LYN: variants seen among roughly 807,000 people sequenced by gnomAD.
The protein encoded by LYN is tyrosine-protein kinase Lyn.
In LYN, 12 loss-of-function variants were observed where a neutral mutation model predicts 65.0. That is an observed-to-expected ratio of 0.18 (90% CI 0.12 to 0.30). The LOEUF is 0.30. Ranked by LOEUF, LYN falls within the 10% of genes least tolerant of loss-of-function variation. LYN has a pLI of 1.00. For synonymous variants in LYN, 222 were observed against 221.2 expected (o/e 1.00, Z -0.03); for missense variants, 380 against 623.2 (o/e 0.61, Z 4.16).
In LYN at chr8:55,929,527, G is replaced by T. The variant is rs181736169; in HGVS notation, c.-5-12328G>T. Among the ~76,000 whole-genome samples the T allele has an allele frequency of 2.5e-3, 374 of 152,284 alleles. 1 individual carries two copies. Among genetic ancestry groups the T allele is most frequent in the African/African-American group, 8.2e-3 (339 of 41,566 alleles). On this transcript the variant is annotated intron_variant, in intron 1 of 12. Transcript: ENST00000519728. ...ATGAATGAGTAAGAAAGCATATTTTGCCCCAATCTGTAACAGAAAATATCA... is the reference window on the plus strand; with the variant it reads ...ATGAATGAGTAAGAAAGCATATTTTTCCCCAATCTGTAACAGAAAATATCA...
chr8:55,912,641 C>CT (rs1397568461), intron 1 of LYN, among the ~76,000 whole-genome samples: 2 of 151,174 alleles, frequency 1.3e-5, no homozygotes, highest in Non-Finnish European at 2.9e-5. Context: ...GCAGGAGACT[C>CT]TCTTGAACCT....
chr8:55,976,740 G>A (rs1234133468), intron 10 of LYN, among the ~76,000 whole-genome samples: 2 of 152,172 alleles, frequency 1.3e-5, no homozygotes, highest in African/African-American at 4.8e-5. Context: ...GCCAGGATTA[G>A]CCCTGCTAGC....
chr8:55,901,761 G>C (rs1805271762), intron 1 of LYN, among the ~76,000 whole-genome samples: 1 of 152,204 alleles, frequency 6.6e-6, no homozygotes. Context: ...CGCGGAGCTG[G>C]ATGTGGCTAG....
intron 10 of LYN, among the ~76,000 whole-genome samples, chr8:55,995,275 T>C (rs896814522): frequency 4.6e-5 from 7 of 152,156 alleles, no homozygotes; most frequent in African/African-American, 1.2e-4. Context: ...CCACCTTCTG[T>C]TGACTTCCCA....
intron 10 of LYN, 137 bp downstream of exon 10, chr8:55,969,930 T>C: frequency 1.4e-6 from 1 of 726,828 alleles, no homozygotes; most frequent in Non-Finnish European, 2.4e-6. Flanking sequence ...GAAAAAGACC[T>C]TCCACAATAC....
chr8:55,893,470 C>T (rs1262653826), intron 1 of LYN: 1 of 152,190 alleles, frequency 6.6e-6, no homozygotes, highest in African/African-American at 2.4e-5. Context: ...ACTCATTTTT[C>T]TGATGTTAAG....
chr8:55,904,017 T>C (rs1272785011), intron 1 of LYN, among the ~76,000 whole-genome samples: 2 of 141,734 alleles, frequency 1.4e-5, no homozygotes, highest in African/African-American at 5.2e-5. Context: ...AAAAAAAAAG[T>C]GTTTTATCAT....
intron 1 of LYN, among the ~76,000 whole-genome samples, chr8:55,904,112 T>G (rs1309384282): frequency 1.3e-5 from 2 of 152,172 alleles, no homozygotes; most frequent in Non-Finnish European, 2.9e-5. Flanking sequence ...TGATAAACAA[T>G]GAGGTAGAAT....
chr8:55,985,873 T>C (rs1340351873), intron 10 of LYN, among the ~76,000 whole-genome samples: 1 of 152,126 alleles, frequency 6.6e-6, no homozygotes, highest in Non-Finnish European at 1.5e-5. Context: ...AGTCTTTTAA[T>C]ATACTAAGGG....
intron 10 of LYN, among the ~76,000 whole-genome samples, chr8:55,991,489 G>A (rs1453647264): frequency 1.3e-5 from 2 of 152,162 alleles, no homozygotes; most frequent in Non-Finnish European, 2.9e-5. Context: ...TATCTATCCA[G>A]CCAAACAAGA....
chr8:55,939,233 C>T (rs1806526665), intron 1 of LYN, among the ~76,000 whole-genome samples: 2 of 152,160 alleles, frequency 1.3e-5, no homozygotes, highest in African/African-American at 2.4e-5. Flanking sequence ...ACCCCAAACA[C>T]TTTGTGAGCA....
intron 10 of LYN, among the ~76,000 whole-genome samples, chr8:55,987,995 C>A (rs776502411): frequency 7.9e-5 from 12 of 152,148 alleles, no homozygotes; most frequent in Non-Finnish European, 2.9e-5. Flanking sequence ...TATTTCTTAG[C>A]AGTTATACTT....
chr8:55,967,451 A>C (rs575164592), intron 9 of LYN, among the ~76,000 whole-genome samples: 5 of 151,098 alleles, frequency 3.3e-5, no homozygotes, highest in Non-Finnish European at 7.4e-5. Flanking sequence ...AGTAGCTGGG[A>C]CTACAGGCAC....
intron 6 of LYN, 65 bp from the exon 7 acceptor site, chr8:55,951,901 G>A (rs1382961078): frequency 7.5e-7 from 1 of 1,325,912 alleles, no homozygotes; most frequent in East Asian, 2.4e-5. Flanking sequence ...GTGTACTGCA[G>A]TTGTTGTATA....
intron 1 of LYN, among the ~76,000 whole-genome samples, chr8:55,939,900 A>G (rs1055213114): frequency 7.2e-5 from 11 of 152,198 alleles, no homozygotes; most frequent in African/African-American, 2.4e-4. Context: ...TTTTGAATCA[A>G]AGAAGTACTT....
At chr8:55,923,091 G>C (rs1336755676) in intron 1 of LYN, among the ~76,000 whole-genome samples, 1 of 152,154 alleles carries the variant, frequency 6.6e-6, no homozygotes, top group Non-Finnish European at 1.5e-5. Flanking sequence ...GGATGACTGA[G>C]GGTTTGAGCC....
At chr8:55,992,744 C>T (rs567278157) in intron 10 of LYN, among the ~76,000 whole-genome samples, 1 of 152,276 alleles carries the variant, frequency 6.6e-6, no homozygotes, top group South Asian at 2.1e-4. Context: ...AGTCCAAGAT[C>T]AAGGCGCCAG....
chr8:55,889,258 C>G (rs1804886198), intron 1 of LYN, among the ~76,000 whole-genome samples: 1 of 152,184 alleles, frequency 6.6e-6, no homozygotes, highest in Non-Finnish European at 1.5e-5. Context: ...TAACCCCAGG[C>G]AGGAGTACAG....
At chr8:55,996,271 G>T (rs1235574295) in intron 10 of LYN, among the ~76,000 whole-genome samples, 1 of 152,214 alleles carries the variant, frequency 6.6e-6, no homozygotes, top group Non-Finnish European at 1.5e-5. Context: ...TGAGGCCAGG[G>T]ATTGGCCTAG....
Sources: allele counts gnomAD v4.1 joint callset (sites outside exome capture counted in the v4.1 genomes callset), GRCh38; gene constraint gnomAD v4.1.1; transcripts MANE v1.5; gene names NCBI Gene and HGNC (gene_info 2026-07-23, HGNC 2026-07-21).